The following COL21A1 variants were observed in gnomAD, a reference collection of about 807,000 sequenced individuals.
COL21A1 encodes the protein collagen alpha-1(XXI) chain.
Under a neutral mutation model 137.9 loss-of-function variants are expected in COL21A1, and 149 were observed. That is an observed-to-expected ratio of 1.08 (90% CI 0.95 to 1.24). The LOEUF (loss-of-function observed/expected upper bound fraction) is 1.24, where lower values mean the gene tolerates loss of function less well. Among genes scored for constraint, COL21A1 ranks in the 50% most tolerant of loss-of-function variants. COL21A1 has a pLI of 0.00. For missense variants in COL21A1, 1,167 were observed against 1,158.4 expected, an observed-to-expected ratio of 1.01 and a Z score of -0.11; for synonymous variants, 456 against 391.5, an observed-to-expected ratio of 1.16 and a Z score of -1.95.
chr6:56,127,045 G>A (rs1346153539), intron 12 of COL21A1, among the ~76,000 whole-genome samples: 2 of 152,064 alleles, frequency 1.3e-5, no homozygotes, highest in Admixed American at 1.3e-4. Context: ...ACATCTCTTT[G>A]AGTTCAAATC....
chr6:56,176,400 A>G (rs1777471985), intron 3 of COL21A1, among the ~76,000 whole-genome samples: 1 of 146,960 alleles, frequency 6.8e-6, no homozygotes, highest in Non-Finnish European at 1.5e-5. Flanking sequence ...TTCAAAATAA[A>G]TAATAAACTC....
intron 12 of COL21A1, among the ~76,000 whole-genome samples, chr6:56,133,953 T>C (rs2152226540): frequency 6.6e-6 from 1 of 152,200 alleles, no homozygotes; most frequent in African/African-American, 2.4e-5. Flanking sequence ...AGGGGCAGGG[T>C]CCTGGTGGAA....
At chr6:56,060,374 G>A (rs1033000137) in intron 27 of COL21A1, 156 bp from the exon 28 acceptor site, 3 of 676,210 alleles carry the variant, frequency 4.4e-6, no homozygotes, top group African/African-American at 3.8e-5. Flanking sequence ...ATTTGACTAT[G>A]GAAATATTCA....
rs895852780 is a variant in COL21A1 at position 56,056,754 on chromosome 6, A to G, written c.*903T>C. ...TACAGTCAGCTAAAAATAACAAGAC[A>G]TTCTAGGATTTCAGGAGTTTTCCTT... On this transcript the variant is annotated 3_prime_UTR_variant, in exon 30 of 30. Transcript: ENST00000244728. 6.6e-6 allele frequency: 1 copy of G among 152,184 alleles called. No individual in the cohort carries two copies. Among genetic ancestry groups the G allele is most frequent in the Admixed American group, 6.5e-5 (1 of 15,276 alleles). The allele number at this position is 152,184 out of a possible 1,614,324, so 9.4% of individuals were successfully genotyped here.
Position 56,244,902 on chromosome 6 carries a change from T to C in COL21A1, c.-39+2485A>G, listed in dbSNP as rs57476088. Among the ~76,000 whole-genome samples, 592 of 152,326 alleles carry C rather than the reference T, an allele frequency of 3.9e-3. 3 individuals are homozygous for C. Among genetic ancestry groups the C allele is most frequent in the African/African-American group, 0.014 (573 of 41,572 alleles). The stretch of plus-strand genomic sequence containing the variant: ...TCCTAAGAGGATAATAGAGATCAGT[T>C]CCAATCAAATAATGTGAAAGGAATT... On this transcript the variant is annotated intron_variant, in intron 1 of 29. Coordinates refer to ENST00000244728, the MANE Select transcript of COL21A1 (RefSeq NM_030820.4).
rs1389467256 is a variant in COL21A1 at position 56,124,287 on chromosome 6, T to C, written c.1656A>G (p.Ala552=). The C allele has an allele frequency of 1.2e-6, 2 of 1,602,486 alleles. No homozygotes were observed. The highest frequency in any genetic ancestry group is 1.3e-5 in the African/African-American group (1 of 74,778). ...GSPGFYGKKG[A]KGEKGNAGFP... is the part of the protein sequence containing the mutation. ...AGCCAGCATTCCCCTTTTCACCTTT[T>C]GCACCCTGTATCGAAAACAAACACT... is the stretch of plus-strand genomic sequence containing the variant. The change falls in exon 15 of 30, where the codon GCA becomes GCG. Residue 552 remains alanine (A), a synonymous_variant. Transcript: ENST00000244728.
intron 17 of COL21A1, among the ~76,000 whole-genome samples, chr6:56,090,625 A>T (rs1195762242): frequency 6.6e-6 from 1 of 152,190 alleles, no homozygotes; most frequent in Non-Finnish European, 1.5e-5. Context: ...GCCTATTTCA[A>T]AATGCATTAT....
intron 2 of COL21A1, among the ~76,000 whole-genome samples, chr6:56,182,060 AGT>A (rs1294871105): frequency 6.6e-6 from 1 of 152,192 alleles, no homozygotes; most frequent in Non-Finnish European, 1.5e-5. Context: ...TTTAAAAAAA[AGT>A]GTGCTATCTC....
chr6:56,141,713 G>C, intron 12 of COL21A1, 72 bp downstream of exon 12: 1 of 1,499,636 alleles, frequency 6.7e-7, no homozygotes, highest in South Asian at 1.1e-5. Flanking sequence ...CTATTGAATG[G>C]AAACCATCAC....
intron 12 of COL21A1, among the ~76,000 whole-genome samples, chr6:56,128,890 G>T (rs1044250934): frequency 1.3e-5 from 2 of 152,084 alleles, no homozygotes; most frequent in African/African-American, 4.8e-5. Context: ...CCTGACCTCA[G>T]GTGATCTACC....
intron 12 of COL21A1, among the ~76,000 whole-genome samples, chr6:56,139,544 A>G (rs1774261618): frequency 6.6e-6 from 1 of 152,150 alleles, no homozygotes; most frequent in African/African-American, 2.4e-5. Flanking sequence ...GTTATCAGAA[A>G]ATCACATGGG....
At chr6:56,246,877 C>CG (rs1333222920) in intron 1 of COL21A1, among the ~76,000 whole-genome samples, 3 of 46,560 alleles carry the variant, frequency 6.4e-5, no homozygotes, top group Admixed American at 4.7e-4. Flanking sequence ...CAAAGTCCCA[C>CG]CCCCAGAGAT....
At chr6:56,190,692 T>C (rs1778611669) in intron 1 of COL21A1, among the ~76,000 whole-genome samples, 3 of 152,136 alleles carry the variant, frequency 2.0e-5, no homozygotes, top group Non-Finnish European at 4.4e-5. Context: ...AAATCCTCAA[T>C]AAAATACTGG....
chr6:56,228,341 A>T (rs1017246145), intron 1 of COL21A1, among the ~76,000 whole-genome samples: 2 of 151,798 alleles, frequency 1.3e-5, no homozygotes, highest in South Asian at 2.1e-4. Flanking sequence ...AAGTGATTTG[A>T]GAGGCATTCA....
chr6:56,303,647 T>A (rs1470477696), intron 1 of COL21A1, among the ~76,000 whole-genome samples: 2 of 152,150 alleles, frequency 1.3e-5, no homozygotes, highest in South Asian at 4.2e-4. Flanking sequence ...ACCACGGGGT[T>A]TTCTAGATAT....
At chr6:56,334,622 A>G (rs1224263440) in intron 1 of COL21A1, among the ~76,000 whole-genome samples, 1 of 152,190 alleles carries the variant, frequency 6.6e-6, no homozygotes, top group Non-Finnish European at 1.5e-5. Context: ...TCAGTAAATT[A>G]TAGGATCTGT....
chr6:56,210,117 G>C (rs891279434), intron 1 of COL21A1, among the ~76,000 whole-genome samples: 1 of 151,924 alleles, frequency 6.6e-6, no homozygotes, highest in Non-Finnish European at 1.5e-5. Flanking sequence ...GTGGTGGGGG[G>C]CTGGGGGAGG....
At chr6:56,220,522 C>A (rs116753825) in intron 1 of COL21A1, among the ~76,000 whole-genome samples, 3 of 152,024 alleles carry the variant, frequency 2.0e-5, no homozygotes, top group African/African-American at 4.8e-5. Context: ...TTATGTTTTA[C>A]GAAAACTTTA....
intron 25 of COL21A1, 21 bp downstream of exon 25, chr6:56,061,628 A>G: frequency 6.4e-7 from 1 of 1,555,294 alleles, no homozygotes. Context: ...GCAAGAGAGC[A>G]TAATATATGA....
Sources: allele counts gnomAD v4.1 joint callset (sites outside exome capture counted in the v4.1 genomes callset), GRCh38; gene constraint gnomAD v4.1.1; transcripts MANE v1.5; gene names NCBI Gene and HGNC (gene_info 2026-07-23, HGNC 2026-07-21).